The following ARHGAP12 variants were observed in gnomAD, a reference collection of about 807,000 sequenced individuals.
The protein encoded by ARHGAP12 is Rho GTPase activating protein 12.
ARHGAP12 carries 64 observed loss-of-function variants against 108.6 expected under a neutral mutation model. That is an observed-to-expected ratio of 0.59 (90% confidence interval 0.48 to 0.73). ARHGAP12 has a LOEUF of 0.73. Ranked by LOEUF, ARHGAP12 falls within the 30% of genes least tolerant of loss-of-function variation. The pLI is 0.00. For missense variants in ARHGAP12, 940 were observed against 1,005.9 expected (o/e 0.93, Z 0.89); for synonymous variants, 312 against 337.2 (o/e 0.93, Z 0.82).
intron 4 of ARHGAP12, among the ~76,000 whole-genome samples, chr10:31,855,009 CAGG>C (rs1049978839): frequency 8.9e-6 from 1 of 112,188 alleles, no homozygotes; most frequent in African/African-American, 3.4e-5. Flanking sequence ...GGAGGAGGAG[CAGG>C]AGGAGGATGG....
At chr10:31,812,232 C>A (rs775060307) in intron 15 of ARHGAP12, among the ~76,000 whole-genome samples, 15 of 151,780 alleles carry the variant, frequency 9.9e-5, no homozygotes, top group Non-Finnish European at 2.1e-4. Context: ...GATTGTTAGT[C>A]CATTATAGTG....
intron 11 of ARHGAP12, 139 bp downstream of exon 11, chr10:31,826,165 C>A: frequency 3.3e-6 from 2 of 600,450 alleles, no homozygotes; most frequent in Non-Finnish European, 2.8e-6. Context: ...TAAAATGAAT[C>A]TTTAAGAAGA....
chr10:31,828,014 G>A (rs919899166), intron 10 of ARHGAP12, among the ~76,000 whole-genome samples: 2 of 151,990 alleles, frequency 1.3e-5, no homozygotes, highest in African/African-American at 4.8e-5. Context: ...TTTATTTCCT[G>A]TATTTTTTTG....
chr10:31,898,488 T>C (rs927811193), intron 3 of ARHGAP12, among the ~76,000 whole-genome samples: 6 of 152,206 alleles, frequency 3.9e-5, no homozygotes, highest in African/African-American at 1.4e-4. Flanking sequence ...CTTGACCTCG[T>C]GATCTGCCCA....
intron 19 of ARHGAP12, among the ~76,000 whole-genome samples, chr10:31,808,074 A>G (rs1416440331): frequency 1.3e-5 from 2 of 152,210 alleles, no homozygotes; most frequent in East Asian, 3.8e-4. Flanking sequence ...AATGTGTGAT[A>G]TTTTAGCTTA....
intron 7 of ARHGAP12, among the ~76,000 whole-genome samples, chr10:31,841,277 CACAG>C (rs1443532571): frequency 6.6e-6 from 1 of 152,012 alleles, no homozygotes; most frequent in African/African-American, 2.4e-5. Flanking sequence ...CACATACACA[CACAG>C]ACATACGGCT....
chr10:31,861,102 G>GT (rs1483740297), intron 4 of ARHGAP12, among the ~76,000 whole-genome samples: 2 of 152,164 alleles, frequency 1.3e-5, no homozygotes, highest in Non-Finnish European at 2.9e-5. Context: ...GGCTTGTGCA[G>GT]TAACAACTGA....
chr10:31,855,597 G>A (rs1836858142), intron 4 of ARHGAP12, among the ~76,000 whole-genome samples: 1 of 152,142 alleles, frequency 6.6e-6, no homozygotes, highest in African/African-American at 2.4e-5. Flanking sequence ...AACATTGAAA[G>A]CCTAATTCAA....
At chr10:31,861,134 AG>A (rs1187043495) in intron 4 of ARHGAP12, among the ~76,000 whole-genome samples, 4 of 152,246 alleles carry the variant, frequency 2.6e-5, no homozygotes, top group African/African-American at 9.6e-5. Context: ...CTAAGACATA[AG>A]GGGGTGCACT....
At chr10:31,874,457 T>C (rs918460116) in intron 3 of ARHGAP12, among the ~76,000 whole-genome samples, 2 of 152,204 alleles carry the variant, frequency 1.3e-5, no homozygotes, top group South Asian at 2.1e-4. Context: ...ACTTGGGTAA[T>C]CTATTTTATT....
At chr10:31,901,642 A>G (rs1345996065) in intron 3 of ARHGAP12, among the ~76,000 whole-genome samples, 3 of 152,134 alleles carry the variant, frequency 2.0e-5, no homozygotes, top group Admixed American at 6.6e-5. Flanking sequence ...CTGTAAAACT[A>G]AAGTTACTAT....
intron 1 of ARHGAP12, among the ~76,000 whole-genome samples, chr10:31,911,772 T>C (rs1592374754): frequency 2.0e-5 from 3 of 152,228 alleles, no homozygotes; most frequent in African/African-American, 4.8e-5. Context: ...GTTATATTCT[T>C]GTCAAAAGCA....
intron 1 of ARHGAP12, among the ~76,000 whole-genome samples, chr10:31,928,459 C>A (rs552538508): frequency 6.6e-6 from 1 of 150,862 alleles, no homozygotes; most frequent in South Asian, 2.1e-4. Context: ...CGCCGGCCCC[C>A]TCCCCCTCGG....
intron 3 of ARHGAP12, among the ~76,000 whole-genome samples, chr10:31,873,633 A>G (rs1837618934): frequency 6.6e-6 from 1 of 152,138 alleles, no homozygotes; most frequent in Admixed American, 6.5e-5. Context: ...ACACATTCTC[A>G]AAGTCTAGAA....
intron 3 of ARHGAP12, among the ~76,000 whole-genome samples, chr10:31,884,220 GAAAAC>G (rs996588069): frequency 4.8e-4 from 71 of 148,054 alleles, no homozygotes; most frequent in African/African-American, 1.7e-3. Context: ...TTTAGTATTA[GAAAAC>G]AAAACTAAAA....
Position 31,908,874 on chromosome 10 carries a change from CA to C in ARHGAP12, c.-20del, listed in dbSNP as rs764589205. On this transcript the variant is annotated 5_prime_UTR_variant, in exon 3 of 20. It removes the in-frame stop codon of an upstream open reading frame in the 5' UTR. Coordinates refer to ENST00000344936, the MANE Select transcript of ARHGAP12 (RefSeq NM_018287.7). Reference sequence around the variant, plus strand: ...TTTTCATTCAATAATATTCACCTCTCAAAAAGGATGTTATACCACATTATGG... The same window carrying C: ...TTTTCATTCAATAATATTCACCTCTCAAAAGGATGTTATACCACATTATGG... The C allele has an allele frequency of 1.3e-6, 2 of 1,556,614 alleles. No individual in the cohort carries two copies. Among genetic ancestry groups the C allele is most frequent in the African/African-American group, 2.7e-5 (2 of 73,584 alleles).
At chr10:31,886,451 T>C (rs149905527) in intron 3 of ARHGAP12, among the ~76,000 whole-genome samples, 53 of 152,272 alleles carry the variant, frequency 3.5e-4, no homozygotes, top group African/African-American at 1.2e-3. Context: ...CCTTTAAATA[T>C]AACACCTAAG....
At chr10:31,853,266 T>G (rs1418874168) in intron 5 of ARHGAP12, among the ~76,000 whole-genome samples, 1 of 152,110 alleles carries the variant, frequency 6.6e-6, no homozygotes, top group Non-Finnish European at 1.5e-5. Context: ...AGAGAAATGT[T>G]TTTCAATTAA....
At position 31,826,308 on chromosome 10, in the gene ARHGAP12, C is replaced by T. The variant is rs757638615; in HGVS notation, c.1526G>A (p.Ser509Asn). Residue 509 changes from serine (S) to asparagine (N), a missense_variant, in exon 11 of 20, where the codon AGT becomes AAT. Coordinates refer to ENST00000344936, the MANE Select transcript of ARHGAP12 (RefSeq NM_018287.7). ...LFTKTQGSST[S>N]WFGSNQSKPE... is the part of the protein sequence containing the mutation. ...CCAAAGAGAAGAAATACTTACCCAA[C>T]TTGTGCTACTTCCTTGAGTTTTGGT... The T allele has an allele frequency of 6.2e-7, 1 of 1,607,820 alleles. No individual in the cohort carries two copies. Among genetic ancestry groups the T allele is most frequent in the Non-Finnish European group, 8.5e-7 (1 of 1,176,364 alleles).
Sources: allele counts gnomAD v4.1 joint callset (sites outside exome capture counted in the v4.1 genomes callset), GRCh38; gene constraint gnomAD v4.1.1; transcripts MANE v1.5; gene names NCBI Gene and HGNC (gene_info 2026-07-23, HGNC 2026-07-21).